CIMAP2: variants seen among roughly 807,000 people sequenced by gnomAD.
CIMAP2 encodes the protein ciliary microtubule associated protein 2.
the CIMAP2 span, chr1:54,811,765 G>GCCGGGGGGGGGGGGGGGGGGGGC: frequency 7.7e-7 from 1 of 1,301,330 alleles, no homozygotes; most frequent in Non-Finnish European, 1.1e-6. Context: ...GGTTCTGACA[G>GCCGGGGGGGGGGGGGGGGGGGGC]CCTCCATGCC....
At chr1:54,841,864 T>C in the CIMAP2 span, 15 of 1,551,926 alleles carry the variant, frequency 9.7e-6, no homozygotes, top group Non-Finnish European at 1.3e-5. Flanking sequence ...ATTCAGATCC[T>C]ACTCCTTAAA....
At chr1:54,830,660 G>A in the CIMAP2 span, among the ~76,000 whole-genome samples, 1 of 152,324 alleles carries the variant, frequency 6.6e-6, no homozygotes, top group Admixed American at 6.5e-5. The surrounding 1 kb of genome is among the most constrained non-coding windows in gnomAD (Gnocchi z 4.1). Flanking sequence ...TGCAGACAGT[G>A]GGGGAGAGAA....
chr1:54,808,287 G>C, the CIMAP2 span, among the ~76,000 whole-genome samples: 1 of 152,204 alleles, frequency 6.6e-6, no homozygotes, highest in Non-Finnish European at 1.5e-5. Context: ...AAATTAGACA[G>C]GCAAGGGACA....
chr1:54,811,765 G>GCGGGGGGGGGGGGGCCCCCCCC, the CIMAP2 span: 1 of 1,301,320 alleles, frequency 7.7e-7, no homozygotes, highest in Non-Finnish European at 1.1e-6. Context: ...GGTTCTGACA[G>GCGGGGGGGGGGGGGCCCCCCCC]CCTCCATGCC....
the CIMAP2 span, chr1:54,806,323 A>C: frequency 8.4e-7 from 1 of 1,194,820 alleles, no homozygotes; most frequent in Non-Finnish European, 1.1e-6. Context: ...CCACCTACAC[A>C]CAGGGCTGAG....
the CIMAP2 span, chr1:54,811,765 G>GCGGGGGGGGGGGGCCCCCCCCCCC: frequency 1.5e-6 from 2 of 1,301,320 alleles, no homozygotes; most frequent in Non-Finnish European, 2.2e-6. Flanking sequence ...GGTTCTGACA[G>GCGGGGGGGGGGGGCCCCCCCCCCC]CCTCCATGCC....
At chr1:54,823,938 G>GT in the CIMAP2 span, among the ~76,000 whole-genome samples, 1 of 152,012 alleles carries the variant, frequency 6.6e-6, no homozygotes, top group African/African-American at 2.4e-5. Context: ...GTGGTTGGCA[G>GT]TTTTTTTGTT....
the CIMAP2 span, among the ~76,000 whole-genome samples, chr1:54,817,553 G>T: frequency 4.6e-5 from 7 of 152,270 alleles, no homozygotes; most frequent in Non-Finnish European, 8.8e-5. Flanking sequence ...ATTTCAGAAG[G>T]TTGCAAAGCC....
chr1:54,821,576 T>C, the CIMAP2 span, among the ~76,000 whole-genome samples: 1 of 152,196 alleles, frequency 6.6e-6, no homozygotes, highest in Non-Finnish European at 1.5e-5. Context: ...TCAATTTCTT[T>C]CATCAGTGTT....
At chr1:54,816,137 C>A in the CIMAP2 span, among the ~76,000 whole-genome samples, 1 of 152,242 alleles carries the variant, frequency 6.6e-6, no homozygotes, top group East Asian at 1.9e-4. Flanking sequence ...GTGGGAAGGG[C>A]TGATGTGAGG....
chr1:54,826,196 A>G, the CIMAP2 span, among the ~76,000 whole-genome samples: 1 of 152,200 alleles, frequency 6.6e-6, no homozygotes, highest in Non-Finnish European at 1.5e-5. Context: ...GGTGTGCAGC[A>G]GCTCTGCCAC....
chr1:54,818,233 C>T, the CIMAP2 span, among the ~76,000 whole-genome samples: 1 of 152,210 alleles, frequency 6.6e-6, no homozygotes, highest in African/African-American at 2.4e-5. Context: ...TTCCCTCCAT[C>T]TGGAGACTCA....
At chr1:54,841,382 T>G in the CIMAP2 span, among the ~76,000 whole-genome samples, 90 of 152,260 alleles carry the variant, frequency 5.9e-4, no homozygotes, top group African/African-American at 1.9e-3. Context: ...TGGGAAAGAA[T>G]TGGAGCAGTG....
At chr1:54,816,540 A>G in the CIMAP2 span, among the ~76,000 whole-genome samples, 1 of 152,122 alleles carries the variant, frequency 6.6e-6, no homozygotes, top group Non-Finnish European at 1.5e-5. Flanking sequence ...TGGAGGCGAG[A>G]AGTCTGAAAT....
At chr1:54,820,060 C>T in the CIMAP2 span, among the ~76,000 whole-genome samples, 2 of 143,512 alleles carry the variant, frequency 1.4e-5, no homozygotes, top group Admixed American at 1.4e-4. Flanking sequence ...TTCTTCCCTC[C>T]CTCCCTATCT....
the CIMAP2 span, among the ~76,000 whole-genome samples, chr1:54,820,002 C>A: frequency 1.2e-4 from 15 of 121,884 alleles, no homozygotes; most frequent in South Asian, 4.5e-3. Flanking sequence ...TTTCTTTCTC[C>A]CTCTCTTTTC....
the CIMAP2 span, among the ~76,000 whole-genome samples, chr1:54,827,742 C>T: frequency 6.6e-6 from 1 of 152,214 alleles, no homozygotes; most frequent in African/African-American, 2.4e-5. Flanking sequence ...CACTAGCTTC[C>T]TTTTCCCTTA....
the CIMAP2 span, chr1:54,812,173 G>C: frequency 1.2e-6 from 2 of 1,614,184 alleles, no homozygotes; most frequent in South Asian, 2.2e-5. Flanking sequence ...CTGCCTTATG[G>C]GCACTACTCC....
chr1:54,806,981 A>G, the CIMAP2 span: 1 of 1,609,672 alleles, frequency 6.2e-7, no homozygotes, highest in East Asian at 2.2e-5. Context: ...TCACTGGGCC[A>G]CCGTCCCTCC....
Sources: allele counts gnomAD v4.1 joint callset (sites outside exome capture counted in the v4.1 genomes callset), GRCh38; gene constraint gnomAD v4.1.1; non-coding constraint Gnocchi (gnomAD v3.1); transcripts MANE v1.5; gene names NCBI Gene and HGNC (gene_info 2026-07-23, HGNC 2026-07-21).